The following DCLRE1A variants were observed in gnomAD, a reference collection of about 807,000 sequenced individuals.
The protein encoded by DCLRE1A is DNA cross-link repair 1A.
DCLRE1A carries 64 observed loss-of-function variants against 91.9 expected under a neutral mutation model. The ratio of observed to expected loss-of-function variants is 0.70; its 90% CI spans 0.57 to 0.86. DCLRE1A has a LOEUF of 0.86. DCLRE1A is among the 40% of genes least tolerant of loss of function. The pLI, the probability that DCLRE1A is intolerant of heterozygous loss-of-function variation, is 0.00. For synonymous variants in DCLRE1A, 416 were observed against 431.1 expected (o/e 0.96, Z 0.43); for missense variants, 1,145 against 1,213.3 (o/e 0.94, Z 0.84).
rs1273238674 is a variant in DCLRE1A, at chr10:113,850,441, T to A, written c.664A>T (p.Asn222Tyr). 1 of 1,614,070 alleles carries A rather than the reference T, an allele frequency of 6.2e-7. No individual in the cohort carries two copies. The highest frequency in any genetic ancestry group is 1.3e-5 in the African/African-American group (1 of 74,920). Residue 222 changes from asparagine to tyrosine, a missense_variant, in exon 2 of 9, where the codon AAC (asparagine) becomes TAC (tyrosine). Coordinates refer to ENST00000361384, the MANE Select transcript of DCLRE1A (RefSeq NM_014881.5). The part of the protein sequence containing the change: ...RWSSYQNQTD[N>Y]SVSNDPLLMT... ...AATAAGGGATCATTTGAAACCGAGT[T>A]ATCAGTTTGGTTCTGATACGAAGAC... is the stretch of plus-strand genomic sequence containing the variant.
rs1845614457 is a variant in DCLRE1A, at chr10:113,849,961, T to G, written c.1144A>C (p.Asn382His). Residue 382 changes from asparagine (N) to histidine (H), a missense_variant, in exon 2 of 9, where the codon AAT becomes CAT. Coordinates refer to ENST00000361384, the MANE Select transcript of DCLRE1A (RefSeq NM_014881.5). ...DEGLYRFNSL[N>H]DLSQPISQNN... ...TGAGAAATAGGTTGAGACAAATCAT[T>G]TAGACTATTGAATCTATACAATCCT... The G allele has an allele frequency of 6.2e-7, 1 of 1,614,066 alleles. No individual in the cohort carries two copies. Among genetic ancestry groups the G allele is most frequent in the Non-Finnish European group, 8.5e-7 (1 of 1,180,040 alleles).
intron 2 of DCLRE1A, among the ~76,000 whole-genome samples, chr10:113,847,551 T>G (rs1845559463): frequency 8.4e-6 from 1 of 118,894 alleles, no homozygotes; most frequent in Non-Finnish European, 1.8e-5. Flanking sequence ...CTTTTATTTG[T>G]GAATAATTGC....
Position 113,850,552 on chromosome 10 carries a change from G to C in DCLRE1A, c.553C>G (p.His185Asp). Residue 185 changes from histidine (H) to aspartate (D), a missense_variant, in exon 2 of 9, where the codon CAT (histidine) becomes GAT (aspartate). Transcript: ENST00000361384. Reference protein sequence around the residue: ...FLLAQSRAGDHPFSSPSPASG... With the variant: ...FLLAQSRAGDDPFSSPSPASG... ...GCAGGTGATGGGCTGCTAAAAGGAT[G>C]ATCACCAGCCCTGCTTTGAGCTAGC... The C allele has an allele frequency of 6.2e-7, 1 of 1,614,096 alleles. No individual in the cohort carries two copies. The highest frequency in any genetic ancestry group is 8.5e-7 in the Non-Finnish European group (1 of 1,180,022).
rs1408444286 is a variant in DCLRE1A, at chr10:113,847,486, A to T, written c.2126-151T>A. 3 of 906,674 alleles carry T rather than the reference A, an allele frequency of 3.3e-6. No individual in the cohort carries two copies. In the African/African-American group the frequency reaches 5.0e-5, roughly 15 times the overall value. The allele number at this position is 906,674 out of a possible 1,614,324, so 56.2% of individuals were successfully genotyped here. A position where few individuals can be genotyped will look rare whatever the true frequency, so the allele number is the denominator to read the frequency against. On this transcript the variant is annotated intron_variant, in intron 2 of 8. Coordinates refer to ENST00000361384, the MANE Select transcript of DCLRE1A (RefSeq NM_014881.5). ...ATATCACATAAATTTAACAAAAGGT[A>T]ACACTAAAGATGAGAATGTCTTAAA...
intron 7 of DCLRE1A, among the ~76,000 whole-genome samples, chr10:113,840,044 A>C (rs904217698): frequency 6.6e-6 from 1 of 152,174 alleles, no homozygotes; most frequent in Non-Finnish European, 1.5e-5. Context: ...CTGTAATATC[A>C]GCACTTGGGG....
intron 7 of DCLRE1A, among the ~76,000 whole-genome samples, chr10:113,839,697 C>T (rs1845417483): frequency 6.6e-6 from 1 of 152,066 alleles, no homozygotes; most frequent in Non-Finnish European, 1.5e-5. Context: ...GAGCTTACAG[C>T]CTAGTGGGCA....
Position 113,845,734 on chromosome 10 carries a change from T to C in DCLRE1A, c.2329A>G (p.Thr777Ala). Residue 777 changes from threonine to alanine, a missense_variant, in exon 4 of 9, where the codon ACT becomes GCT. Physicochemically the swap from Thr to Ala is moderately conservative, Grantham distance 58. Transcript: ENST00000361384. ...EQYIHPLPLD[T>A]ECIVNGVKVV... ...TTGACACCATTCACAATACATTCAG[T>C]GTCCAGTGGCAATGGGTGAATATAT... is the stretch of plus-strand genomic sequence containing the variant. 8 of 1,614,176 alleles carry C rather than the reference T, an allele frequency of 5.0e-6. No homozygotes were observed. The highest frequency in any genetic ancestry group is 6.8e-6 in the Non-Finnish European group (8 of 1,180,016).
chr10:113,835,329 A>G lies in DCLRE1A; in HGVS notation c.2963-17T>C, dbSNP rs1486763015. 6.4e-7 allele frequency: 1 copy of G among 1,562,846 alleles called. No homozygotes were observed. Among genetic ancestry groups the G allele is most frequent in the South Asian group, 1.2e-5 (1 of 82,660 alleles). On this transcript the variant is annotated splice_polypyrimidine_tract_variant and intron_variant, in intron 8 of 8. Transcript: ENST00000361384. Reference sequence around the variant, plus strand: ...AAGGAATTCCTGTAACAAAAAATAAACGAATTTGTACACTAAAATCAAACT... The same window carrying G: ...AAGGAATTCCTGTAACAAAAAATAAGCGAATTTGTACACTAAAATCAAACT...
At position 113,850,284 on chromosome 10, in the gene DCLRE1A, G is replaced by C. The variant is rs61757204; in HGVS notation, c.821C>G (p.Ala274Gly). The stretch of plus-strand genomic sequence containing the variant: ...TTCTGAGTTGTTTGCAAGACGCAAA[G>C]CAACTCCCACTAGTTTGTCATTCTC... The part of the protein sequence containing the change: ...FVENDKLVGV[A>G]LRLANNSEHI... The change falls in exon 2 of 9, where the codon GCT becomes GGT. Residue 274 changes from alanine to glycine, a missense_variant. By Grantham distance (60) the Ala-to-Gly change is moderately conservative. Coordinates refer to ENST00000361384, the MANE Select transcript of DCLRE1A (RefSeq NM_014881.5). 1,537 of 1,614,056 alleles carry C rather than the reference G, an allele frequency of 9.5e-4. 1 individual carries two copies. Among genetic ancestry groups the C allele is most frequent in the Non-Finnish European group, 1.2e-3 (1,452 of 1,180,038 alleles).
At position 113,844,224 on chromosome 10, in the gene DCLRE1A, A is replaced by C. The variant is rs1269380283; in HGVS notation, c.2399T>G (p.Ile800Ser). ...DANHCPGAVM[I>S]LFYLPNGTVI... The stretch of plus-strand genomic sequence containing the variant: ...AGTACCATTAGGAAGATAAAAGAGG[A>C]TCATGACAGCACCTGGACAGCTGAA... The change falls in exon 5 of 9, where the codon ATC becomes AGC. Residue 800 changes from isoleucine (I) to serine (S), a missense_variant. Ile to Ser is a moderately radical substitution (Grantham distance 142). Transcript: ENST00000361384. The C allele has an allele frequency of 6.2e-7, 1 of 1,614,148 alleles. No individual in the cohort carries two copies.
intron 2 of DCLRE1A, 82 bp downstream of exon 2, chr10:113,848,898 C>A (rs999572385): frequency 2.3e-6 from 3 of 1,312,942 alleles, no homozygotes; most frequent in Non-Finnish European, 2.1e-6. Flanking sequence ...CTCATACACA[C>A]ACACACACAC....
rs140121426 is a variant in DCLRE1A, at chr10:113,847,402, T to C, written c.2126-67A>G. The C allele has an allele frequency of 6.4e-5, 101 of 1,572,658 alleles. No homozygotes were observed. The African/African-American group carries it at 1.2e-3, about 19-fold the overall frequency. ...AGATACCCAATTTGATTATAAATAC[T>C]GAATGAACCCTCTATCCTCTTTACC... On this transcript the variant is annotated intron_variant, in intron 2 of 8. Transcript: ENST00000361384.
rs529447746 is a variant in DCLRE1A at position 113,846,427 on chromosome 10, C to T, written c.2260-624G>A. Reference sequence around the variant, plus strand: ...AATGTTCACTTTTTAATAATTAGTTCGAGGTATCTTTTACCACAAAACTGT... The same window carrying T: ...AATGTTCACTTTTTAATAATTAGTTTGAGGTATCTTTTACCACAAAACTGT... On this transcript the variant is annotated intron_variant, in intron 3 of 8. Transcript: ENST00000361384. Among the ~76,000 whole-genome samples the T allele has an allele frequency of 1.5e-3, 223 of 152,258 alleles. 1 individual carries two copies. The highest frequency in any genetic ancestry group is 5.0e-3 in the African/African-American group (209 of 41,554).
At chr10:113,840,044 A>G (rs904217698) in intron 7 of DCLRE1A, among the ~76,000 whole-genome samples, 3 of 152,174 alleles carry the variant, frequency 2.0e-5, no homozygotes, top group Admixed American at 6.5e-5. Flanking sequence ...CTGTAATATC[A>G]GCACTTGGGG....
chr10:113,849,096 T>C lies in DCLRE1A; in HGVS notation c.2009A>G (p.Lys670Arg), dbSNP rs772181460. 2 of 1,614,152 alleles carry C rather than the reference T, an allele frequency of 1.2e-6. No individual in the cohort carries two copies. The highest frequency in any genetic ancestry group is 1.6e-4 in the Middle Eastern group (1 of 6,062). ...ESEAVNLSKV[K>R]VFTKSAHGGL... Reference sequence around the variant, plus strand: ...ACCATGAGCTGATTTTGTGAAGACTTTGACTTTACTTAAATTGACTGCTTC... The same window carrying C: ...ACCATGAGCTGATTTTGTGAAGACTCTGACTTTACTTAAATTGACTGCTTC... Residue 670 changes from lysine to arginine, a missense_variant, in exon 2 of 9, where the codon AAA becomes AGA. Coordinates refer to ENST00000361384, the MANE Select transcript of DCLRE1A (RefSeq NM_014881.5).
intron 8 of DCLRE1A, 32 bp downstream of exon 8, chr10:113,837,030 A>G: frequency 6.5e-7 from 1 of 1,528,804 alleles, no homozygotes; most frequent in East Asian, 2.3e-5. Context: ...AACATTATAA[A>G]CACTAAAAGT....
Position 113,835,259 on chromosome 10 carries a change from A to G in DCLRE1A, c.3016T>C (p.Trp1006Arg). ...SYLEMKRFVQ[W>R]LKPQKIIPTV... The stretch of plus-strand genomic sequence containing the variant: ...GGTATGATTTTCTGGGGCTTCAGCC[A>G]CTGGACAAAGCGCTTCATTTCTAGG... Residue 1006 changes from tryptophan (W) to arginine (R), a missense_variant, in exon 9 of 9, where the codon TGG (tryptophan) becomes CGG (arginine). Physicochemically the swap from Trp to Arg is moderately radical, Grantham distance 101. Transcript: ENST00000361384. 6.2e-7 allele frequency: 1 copy of G among 1,614,160 alleles called. No homozygotes were observed.
At chr10:113,847,442 T>G (rs1200577094) in intron 2 of DCLRE1A, 107 bp from the exon 3 acceptor site, 2 of 1,240,870 alleles carry the variant, frequency 1.6e-6, no homozygotes, top group East Asian at 5.1e-5. Flanking sequence ...ATTTCCAATT[T>G]AACTATATTT....
intron 3 of DCLRE1A, among the ~76,000 whole-genome samples, chr10:113,846,259 T>C (rs17228765): frequency 0.017 from 2,634 of 152,284 alleles, 68 homozygotes; most frequent in African/African-American, 0.058. Flanking sequence ...TCTGCCATTT[T>C]TAGCTCTGTG....
Sources: gnomAD v4.1 joint callset for allele counts (sites outside exome capture counted in the v4.1 genomes callset) on GRCh38, gnomAD v4.1.1 for gene constraint, MANE v1.5 for transcripts, NCBI Gene and HGNC (gene_info 2026-07-23, HGNC 2026-07-21) for gene names.